Variants in TIAM2 observed in about 807,000 individuals in gnomAD.
TIAM2 encodes the protein TIAM Rac1 associated GEF 2, also known as rho guanine nucleotide exchange factor TIAM2.
Under a neutral mutation model 152.9 loss-of-function variants are expected in TIAM2, and 80 were observed. That is an observed-to-expected ratio of 0.52 (90% CI 0.44 to 0.63). The LOEUF is 0.63. TIAM2 is among the 30% of genes least tolerant of loss of function. TIAM2 has a pLI of 0.00. For synonymous variants in TIAM2, 804 were observed against 838.0 expected (o/e 0.96, Z 0.70); for missense variants, 1,965 against 2,120.1 (o/e 0.93, Z 1.44).
At chr6:155,165,471 G>A (rs1780403848) in intron 9 of TIAM2, 62 bp downstream of exon 9, 3 of 1,558,220 alleles carry the variant, frequency 1.9e-6, no homozygotes, top group South Asian at 1.2e-5. Flanking sequence ...CTAATTTTCG[G>A]CCTGCTATGA....
Position 155,249,812 on chromosome 6 carries a change from A to G in TIAM2, c.3833-39A>G, listed in dbSNP as rs762880787. The G allele has an allele frequency of 2.1e-5, 32 of 1,544,046 alleles. No homozygotes were observed. In the South Asian group the frequency reaches 2.1e-4, roughly 10 times the overall value. On this transcript the variant is annotated intron_variant, in intron 20 of 26. Coordinates refer to ENST00000682666, the MANE Select transcript of TIAM2 (RefSeq NM_012454.4). ...TACTGTTGGATAGAATCTAAAACAA[A>G]TAACAGTTATGAAATAAATATGATT...
chr6:155,239,842 T>C (rs1410214504), intron 15 of TIAM2, among the ~76,000 whole-genome samples: 1 of 152,236 alleles, frequency 6.6e-6, no homozygotes, highest in Non-Finnish European at 1.5e-5. Context: ...CCAGGCCTTA[T>C]GTGTCCTCTG....
intron 1 of TIAM2, among the ~76,000 whole-genome samples, chr6:155,084,424 AC>A (rs1778135557): frequency 6.6e-6 from 1 of 152,234 alleles, no homozygotes; most frequent in African/African-American, 2.4e-5. Flanking sequence ...AATAGTGCTA[AC>A]TTTTGTATCC....
chr6:155,104,038 ACAC>A (rs200802043), intron 2 of TIAM2, among the ~76,000 whole-genome samples: 1,664 of 79,868 alleles, frequency 0.021, 65 homozygotes, highest in Non-Finnish European at 0.029. Flanking sequence ...TCACACACAC[ACAC>A]CCCCCCCCCC....
intron 9 of TIAM2, among the ~76,000 whole-genome samples, chr6:155,173,715 A>G (rs1242997161): frequency 6.6e-6 from 1 of 152,212 alleles, no homozygotes; most frequent in African/African-American, 2.4e-5. Flanking sequence ...CAGAAGACAA[A>G]GCCTCTGCTG....
chr6:155,153,621 CTTT>C (rs35672714), intron 7 of TIAM2, among the ~76,000 whole-genome samples: 3 of 105,306 alleles, frequency 2.8e-5, no homozygotes, highest in Non-Finnish European at 5.4e-5. Context: ...GCTGTTTACG[CTTT>C]TTTTTTTTTT....
At chr6:155,161,981 A>G (rs1438737296) in intron 7 of TIAM2, among the ~76,000 whole-genome samples, 1 of 148,218 alleles carries the variant, frequency 6.7e-6, no homozygotes, top group Non-Finnish European at 1.5e-5. Context: ...CTTTTTGGAG[A>G]CAGTCTCGCT....
intron 2 of TIAM2, among the ~76,000 whole-genome samples, chr6:155,113,868 T>C (rs903166057): frequency 5.9e-5 from 9 of 151,736 alleles, no homozygotes; most frequent in Non-Finnish European, 1.3e-4. Context: ...AAAGAGTTGT[T>C]ATTCAGTGAA....
At chr6:155,172,655 TATATATATATATATATATATATATATATA>T (rs1562340948) in intron 9 of TIAM2, among the ~76,000 whole-genome samples, 209 of 12,382 alleles carry the variant, frequency 0.017, 5 homozygotes, top group Middle Eastern at 0.056. Flanking sequence ...TATATATATA[TATATATATATATATATATATATATATATA>T]TATTTTTTTT....
At chr6:155,175,020 C>T (rs536348490) in intron 9 of TIAM2, among the ~76,000 whole-genome samples, 57 of 152,254 alleles carry the variant, frequency 3.7e-4, no homozygotes, top group South Asian at 3.5e-3. Context: ...GAAAAGTACC[C>T]GAGAGAATGA....
chr6:155,042,075 C>T (rs1377436068), intron 1 of TIAM2, among the ~76,000 whole-genome samples: 2 of 151,766 alleles, frequency 1.3e-5, no homozygotes, highest in African/African-American at 4.8e-5. Context: ...AGAGGAAAGC[C>T]TTTTCCTGTG....
intron 2 of TIAM2, among the ~76,000 whole-genome samples, chr6:155,091,452 G>A (rs1778303933): frequency 6.6e-6 from 1 of 152,170 alleles, no homozygotes; most frequent in Admixed American, 6.5e-5. Context: ...GGCTCATTGT[G>A]TAAATTGCTC....
intron 14 of TIAM2, among the ~76,000 whole-genome samples, chr6:155,184,058 A>C (rs1780975941): frequency 6.6e-6 from 1 of 151,972 alleles, no homozygotes; most frequent in African/African-American, 2.4e-5. Flanking sequence ...GCACAATCTC[A>C]GCTCACTGCA....
At chr6:155,210,788 A>G (rs1490892688) in intron 14 of TIAM2, among the ~76,000 whole-genome samples, 3 of 152,256 alleles carry the variant, frequency 2.0e-5, no homozygotes, top group Non-Finnish European at 2.9e-5. Context: ...ATAATATTCC[A>G]TCATTGGTTT....
chr6:155,256,573 G>A lies in TIAM2; in HGVS notation c.4558G>A (p.Glu1520Lys), dbSNP rs116807909. The change falls in exon 27 of 27, where the codon GAG becomes AAG. Residue 1520 changes from glutamate (E) to lysine (K), a missense_variant. Transcript: ENST00000682666. ...TGKGTLLDSD[E>K]GSLSSGTQSS... The stretch of plus-strand genomic sequence containing the variant: ...CAAGGGAACCTTGCTGGACTCTGAC[G>A]AGGGCAGCTTGAGCAGCGGCACCCA... 249 of 1,614,168 alleles carry A rather than the reference G, an allele frequency of 1.5e-4. No individual in the cohort carries two copies. In the African/African-American group the frequency reaches 3.0e-3, roughly 19 times the overall value.
At chr6:155,196,700 T>G (rs1196938655) in intron 14 of TIAM2, among the ~76,000 whole-genome samples, 1 of 152,228 alleles carries the variant, frequency 6.6e-6, no homozygotes. Context: ...CAAACACATA[T>G]TTGTTTATAG....
intron 1 of TIAM2, among the ~76,000 whole-genome samples, chr6:155,057,077 G>A (rs547345951): frequency 2.6e-3 from 288 of 112,932 alleles, no homozygotes; most frequent in African/African-American, 9.1e-3. Context: ...CATCCAGATT[G>A]GAGTGCAGTG....
intron 2 of TIAM2, among the ~76,000 whole-genome samples, chr6:155,119,246 G>A (rs760846190): frequency 7.2e-5 from 11 of 152,008 alleles, no homozygotes; most frequent in Non-Finnish European, 1.5e-4. Context: ...TGTTGGCCAG[G>A]CTGGTCTCAG....
At chr6:155,072,172 T>C (rs145315895) in intron 1 of TIAM2, among the ~76,000 whole-genome samples, 1 of 152,192 alleles carries the variant, frequency 6.6e-6, no homozygotes, top group East Asian at 1.9e-4. Context: ...CAAAGAAGTA[T>C]TAATTGTGAG....
Sources: gnomAD v4.1 joint callset for allele counts (sites outside exome capture counted in the v4.1 genomes callset) on GRCh38, gnomAD v4.1.1 for gene constraint, MANE v1.5 for transcripts, NCBI Gene and HGNC (gene_info 2026-07-23, HGNC 2026-07-21) for gene names.